NKAIN2: variants seen among roughly 807,000 people sequenced by gnomAD.
NKAIN2 encodes sodium/potassium-transporting ATPase subunit beta-1-interacting protein 2.
In NKAIN2, 14 loss-of-function variants were observed where a neutral mutation model predicts 32.6. The observed-to-expected ratio is 0.43, with a 90% CI of 0.28 to 0.67. The LOEUF (loss-of-function observed/expected upper bound fraction) is 0.67. Ranked by LOEUF, NKAIN2 falls within the 30% of genes least tolerant of loss-of-function variation. The probability of loss-of-function intolerance (pLI) is 0.17; values close to 1 mark genes in which losing one functional copy is unlikely to be tolerated. For missense variants in NKAIN2, 198 were observed against 258.3 expected (o/e 0.77, Z 1.60); for synonymous variants, 80 against 87.2 (o/e 0.92, Z 0.46).
intron 1 of NKAIN2, among the ~76,000 whole-genome samples, chr6:124,006,080 CT>C (rs1336815693): frequency 2.0e-5 from 3 of 152,138 alleles, no homozygotes. Context: ...TTAAACAGTA[CT>C]TATGTCTATA....
intron 3 of NKAIN2, among the ~76,000 whole-genome samples, chr6:124,532,280 G>A (rs530855420): frequency 6.6e-6 from 1 of 152,208 alleles, no homozygotes; most frequent in African/African-American, 2.4e-5. Flanking sequence ...GAAGGCATAG[G>A]GAGTGTTCAC....
chr6:124,408,472 G>T (rs1583203022), intron 3 of NKAIN2, among the ~76,000 whole-genome samples: 1 of 152,280 alleles, frequency 6.6e-6, no homozygotes, highest in Admixed American at 6.5e-5. Flanking sequence ...CCCATTGTTT[G>T]TTTTTGTCAG....
intron 3 of NKAIN2, among the ~76,000 whole-genome samples, chr6:124,546,004 G>GA (rs990399592): frequency 6.6e-6 from 1 of 150,990 alleles, no homozygotes; most frequent in African/African-American, 2.4e-5. Flanking sequence ...AGCTCTCCTA[G>GA]AAAAAAAAAA....
intron 3 of NKAIN2, among the ~76,000 whole-genome samples, chr6:124,525,731 A>G (rs1319363637): frequency 1.3e-5 from 2 of 152,166 alleles, no homozygotes; most frequent in African/African-American, 2.4e-5. Flanking sequence ...ATTAAATTAC[A>G]TATGTAGAAA....
chr6:124,793,710 A>G (rs1014453898), intron 5 of NKAIN2, among the ~76,000 whole-genome samples: 77 of 152,016 alleles, frequency 5.1e-4, no homozygotes, highest in Non-Finnish European at 7.4e-5. Context: ...TCCAAAGCCA[A>G]GTAAGTTTGA....
chr6:124,049,383 C>T (rs144733629), intron 1 of NKAIN2, among the ~76,000 whole-genome samples: 36 of 152,096 alleles, frequency 2.4e-4, no homozygotes, highest in African/African-American at 7.0e-4. Context: ...GTGACCCTGC[C>T]TGTGTATATC....
chr6:124,484,216 T>C (rs1207380491), intron 3 of NKAIN2, among the ~76,000 whole-genome samples: 5 of 152,218 alleles, frequency 3.3e-5, no homozygotes, highest in Non-Finnish European at 7.3e-5. Flanking sequence ...TGTCCTAAAA[T>C]ATTTCCATTT....
intron 1 of NKAIN2, among the ~76,000 whole-genome samples, chr6:123,819,398 T>G (rs1430092378): frequency 6.6e-6 from 1 of 152,204 alleles, no homozygotes; most frequent in South Asian, 2.1e-4. Context: ...CTGTCTAGCC[T>G]AATTAAAGGA....
At chr6:124,518,285 T>C (rs1455614423) in intron 3 of NKAIN2, among the ~76,000 whole-genome samples, 3 of 76,580 alleles carry the variant, frequency 3.9e-5, no homozygotes, top group African/African-American at 1.2e-4. Context: ...TCAGTGCTGA[T>C]TCTAGTTAAA....
chr6:124,395,220 A>G (rs1773326628), intron 3 of NKAIN2, among the ~76,000 whole-genome samples: 1 of 152,168 alleles, frequency 6.6e-6, no homozygotes, highest in Non-Finnish European at 1.5e-5. Flanking sequence ...TATGCTTGCC[A>G]ACACTGTCCT....
chr6:124,717,633 A>G (rs765043482), intron 4 of NKAIN2, among the ~76,000 whole-genome samples: 8 of 152,206 alleles, frequency 5.3e-5, no homozygotes, highest in Non-Finnish European at 1.0e-4. Context: ...ATATGTGTAG[A>G]CATATTTTCA....
intron 1 of NKAIN2, among the ~76,000 whole-genome samples, chr6:123,934,755 C>G (rs1360164888): frequency 6.6e-6 from 1 of 151,982 alleles, no homozygotes; most frequent in African/African-American, 2.4e-5. Flanking sequence ...GTATTTTTGG[C>G]CAGTCACCGT....
At chr6:124,375,381 A>ATATATATATATGTATATAAAT (rs1356787671) in intron 3 of NKAIN2, among the ~76,000 whole-genome samples, 5 of 148,012 alleles carry the variant, frequency 3.4e-5, no homozygotes, top group African/African-American at 9.8e-5. Flanking sequence ...TACTCACTAT[A>ATATATATATATGTATATAAAT]TATATATATA....
rs539534576 is a variant in NKAIN2, at chr6:124,362,651, C to G, written c.273+7304C>G. ...ACCTTGTTGCTAAGTTAATGTGTCA[C>G]ATCTCCAACTTCCTGCTGGTGTCAG... is the stretch of plus-strand genomic sequence containing the variant. On this transcript the variant is annotated intron_variant, in intron 3 of 6. Coordinates refer to ENST00000368417, the MANE Select transcript of NKAIN2 (RefSeq NM_001040214.3). Among the ~76,000 whole-genome samples, 11 of 152,184 alleles carry G rather than the reference C, an allele frequency of 7.2e-5. No homozygotes were observed. In the East Asian group the frequency reaches 2.1e-3, roughly 29 times the overall value.
intron 3 of NKAIN2, among the ~76,000 whole-genome samples, chr6:124,620,450 C>A (rs775754512): frequency 2.0e-5 from 3 of 152,278 alleles, no homozygotes; most frequent in African/African-American, 4.8e-5. Flanking sequence ...GCAAGGACTT[C>A]TTTTATGACT....
chr6:124,641,706 C>T (rs1033766028), intron 3 of NKAIN2, among the ~76,000 whole-genome samples: 2 of 151,528 alleles, frequency 1.3e-5, no homozygotes, highest in Admixed American at 6.6e-5. Context: ...TGTGCACCAC[C>T]ATGCCAGCCT....
chr6:124,488,891 A>G (rs1387996469), intron 3 of NKAIN2, among the ~76,000 whole-genome samples: 2 of 151,932 alleles, frequency 1.3e-5, no homozygotes, highest in African/African-American at 4.8e-5. Flanking sequence ...GGAAATTAGA[A>G]GGAGGTGCTT....
chr6:124,360,211 A>G (rs1799217163), intron 3 of NKAIN2, among the ~76,000 whole-genome samples: 1 of 152,154 alleles, frequency 6.6e-6, no homozygotes, highest in African/African-American at 2.4e-5. Context: ...GATGTTCATC[A>G]GGGATATTGG....
chr6:124,564,049 G>T lies in NKAIN2; in HGVS notation c.274-94137G>T, dbSNP rs1199378714. On this transcript the variant is annotated intron_variant, in intron 3 of 6. Transcript: ENST00000368417. Reference sequence around the variant, plus strand: ...CAGTTTCATCTATAAAGTTCCTAGGGTCTGTCAGGAGCTGCTTCAAACTAA... The same window carrying T: ...CAGTTTCATCTATAAAGTTCCTAGGTTCTGTCAGGAGCTGCTTCAAACTAA... 2.0e-5 allele frequency among the ~76,000 whole-genome samples: 3 copies of T among 152,168 alleles called. No homozygotes were observed. In the East Asian group the frequency reaches 5.8e-4, roughly 29 times the overall value.
Sources: gnomAD v4.1 joint callset for allele counts (sites outside exome capture counted in the v4.1 genomes callset) on GRCh38, gnomAD v4.1.1 for gene constraint, MANE v1.5 for transcripts, NCBI Gene and HGNC (gene_info 2026-07-23, HGNC 2026-07-21) for gene names.